Variants in GALNT13 observed in about 807,000 individuals in gnomAD.
GALNT13 encodes polypeptide N-acetylgalactosaminyltransferase 13.
In GALNT13, 28 loss-of-function variants were observed where a neutral mutation model predicts 64.2. That is an observed-to-expected ratio of 0.44 (90% CI 0.32 to 0.60). The LOEUF (loss-of-function observed/expected upper bound fraction) is 0.60, where lower values mean the gene tolerates loss of function less well. Ranked by LOEUF, GALNT13 falls within the 20% of genes least tolerant of loss-of-function variation. The pLI is 0.05. For synonymous variants in GALNT13, 214 were observed against 224.6 expected, an observed-to-expected ratio of 0.95 and a Z score of 0.42; for missense variants, 577 against 669.8, an observed-to-expected ratio of 0.86 and a Z score of 1.53.
intron 2 of GALNT13, among the ~76,000 whole-genome samples, chr2:153,921,351 T>C (rs1311360173): frequency 6.6e-6 from 1 of 152,062 alleles, no homozygotes. Flanking sequence ...CTATAGTAAG[T>C]AAAATAACAC....
chr2:153,260,857 A>G, the GALNT13 span, among the ~76,000 whole-genome samples: 1 of 152,074 alleles, frequency 6.6e-6, no homozygotes, highest in African/African-American at 2.4e-5. Flanking sequence ...GCTATTTTCT[A>G]AATCTTGTAG....
intron 2 of GALNT13, among the ~76,000 whole-genome samples, chr2:153,929,788 G>C (rs1264776780): frequency 6.6e-6 from 1 of 152,094 alleles, no homozygotes; most frequent in Non-Finnish European, 1.5e-5. Context: ...TTGCTATTGT[G>C]AGTAGTGCTG....
chr2:154,028,242 T>C (rs1231644542), intron 3 of GALNT13, among the ~76,000 whole-genome samples: 5 of 152,198 alleles, frequency 3.3e-5, no homozygotes, highest in African/African-American at 1.2e-4. Context: ...AAGCTCATAG[T>C]ACATTAAGGC....
At chr2:153,388,522 G>T in the GALNT13 span, among the ~76,000 whole-genome samples, 1 of 151,992 alleles carries the variant, frequency 6.6e-6, no homozygotes, top group South Asian at 2.1e-4. Flanking sequence ...TTAGGTCTAT[G>T]GAACATTCTT....
intron 1 of GALNT13, among the ~76,000 whole-genome samples, chr2:153,887,494 A>T (rs1168302894): frequency 1.3e-5 from 2 of 151,614 alleles, no homozygotes; most frequent in African/African-American, 4.8e-5. Flanking sequence ...AAACAGTAAA[A>T]CTGTGTTAGT....
At chr2:153,661,392 A>C in the GALNT13 span, among the ~76,000 whole-genome samples, 1 of 152,192 alleles carries the variant, frequency 6.6e-6, no homozygotes, top group South Asian at 2.1e-4. Context: ...ATGATTTATA[A>C]GATTCACAGT....
At chr2:153,465,554 C>T in the GALNT13 span, among the ~76,000 whole-genome samples, 1,303 of 151,508 alleles carry the variant, frequency 8.6e-3, 17 homozygotes, top group African/African-American at 0.03. Flanking sequence ...GAAACAAAAT[C>T]CTGTTAAATC....
At chr2:153,994,930 C>CTTA (rs1175123620) in intron 3 of GALNT13, among the ~76,000 whole-genome samples, 6 of 152,026 alleles carry the variant, frequency 3.9e-5, no homozygotes, top group Non-Finnish European at 8.8e-5. Flanking sequence ...TAGTTAGATC[C>CTTA]TATAACTAAA....
the GALNT13 span, among the ~76,000 whole-genome samples, chr2:153,105,747 G>T: frequency 5.3e-4 from 81 of 152,014 alleles, no homozygotes; most frequent in African/African-American, 1.8e-3. Flanking sequence ...GCCAAATCAT[G>T]GGTGAACTCC....
the GALNT13 span, among the ~76,000 whole-genome samples, chr2:153,243,572 G>T: frequency 7.0e-6 from 1 of 143,834 alleles, no homozygotes; most frequent in Non-Finnish European, 1.5e-5. Context: ...AACATACAAC[G>T]TGTGTAAAGG....
the GALNT13 span, among the ~76,000 whole-genome samples, chr2:153,278,028 AC>A: frequency 7.0e-6 from 1 of 143,300 alleles, no homozygotes; most frequent in Non-Finnish European, 1.5e-5. Flanking sequence ...CCAGGTTCAT[AC>A]CATTCTCCTG....
At chr2:153,809,868 C>T in the GALNT13 span, among the ~76,000 whole-genome samples, 3 of 152,290 alleles carry the variant, frequency 2.0e-5, no homozygotes, top group South Asian at 6.2e-4. Flanking sequence ...TTTTGTCTCT[C>T]AACCCCTATT....
At chr2:153,190,105 C>A in the GALNT13 span, among the ~76,000 whole-genome samples, 1 of 151,898 alleles carries the variant, frequency 6.6e-6, no homozygotes, top group Admixed American at 6.6e-5. Context: ...TAATAACGTC[C>A]CATTCGTTTA....
At chr2:154,391,328 A>G (rs919079548) in intron 9 of GALNT13, among the ~76,000 whole-genome samples, 47 of 152,314 alleles carry the variant, frequency 3.1e-4, no homozygotes, top group Non-Finnish European at 6.0e-4. Context: ...AAGGAATTGA[A>G]ATAGAATGCT....
the GALNT13 span, among the ~76,000 whole-genome samples, chr2:153,590,484 G>A: frequency 5.5e-5 from 8 of 146,280 alleles, no homozygotes; most frequent in Non-Finnish European, 1.1e-4. Context: ...ATTCAATGAG[G>A]CCAGTATTAC....
At chr2:153,172,801 TA>T in the GALNT13 span, among the ~76,000 whole-genome samples, 4 of 152,140 alleles carry the variant, frequency 2.6e-5, no homozygotes, top group Middle Eastern at 3.2e-3. Flanking sequence ...AAAGAGAGGG[TA>T]AGGTAATCTG....
At chr2:153,372,975 A>G in the GALNT13 span, among the ~76,000 whole-genome samples, 2 of 152,138 alleles carry the variant, frequency 1.3e-5, no homozygotes, top group Non-Finnish European at 2.9e-5. Context: ...ATTTCCTGCC[A>G]TTTTTGTGGA....
At chr2:153,069,706 A>G in the GALNT13 span, among the ~76,000 whole-genome samples, 9 of 152,154 alleles carry the variant, frequency 5.9e-5, no homozygotes, top group Non-Finnish European at 1.2e-4. Context: ...TACGAAGGTG[A>G]TGTCCTACAA....
At chr2:154,322,448 A>G (rs62172268) in intron 9 of GALNT13, among the ~76,000 whole-genome samples, 23,379 of 151,970 alleles carry the variant, frequency 0.15, 2,023 homozygotes, top group Middle Eastern at 0.27. Flanking sequence ...AGCCAAAAGT[A>G]GAAAAGACAA....
Sources: allele counts gnomAD v4.1 joint callset (sites outside exome capture counted in the v4.1 genomes callset), GRCh38; gene constraint gnomAD v4.1.1; transcripts MANE v1.5; gene names NCBI Gene and HGNC (gene_info 2026-07-23, HGNC 2026-07-21).